GLS2: variants seen among roughly 807,000 people sequenced by gnomAD.
GLS2 encodes glutaminase liver isoform, mitochondrial.
Under a neutral mutation model 79.0 loss-of-function variants are expected in GLS2, and 52 were observed. The observed-to-expected ratio is 0.66, with a 90% CI of 0.53 to 0.83. The LOEUF (loss-of-function observed/expected upper bound fraction) is 0.83, where lower values mean the gene tolerates loss of function less well. Among genes scored for constraint, GLS2 ranks in the 40% least tolerant of loss-of-function variants. The pLI, the probability that GLS2 is intolerant of heterozygous loss-of-function variation, is 0.00. For synonymous variants in GLS2, 238 were observed against 280.8 expected (o/e 0.85, Z 1.52); for missense variants, 561 against 764.8 (o/e 0.73, Z 3.14).
chr12:56,475,844 T>C, intron 8 of GLS2, 101 bp downstream of exon 8: 1 of 1,420,256 alleles, frequency 7.0e-7, no homozygotes, highest in Non-Finnish European at 1.0e-6. Context: ...TAGTATGGGC[T>C]GGTGCACCTG....
At chr12:56,473,378 A>G (rs768620678) in intron 13 of GLS2, 58 bp from the exon 14 acceptor site, 4 of 1,605,318 alleles carry the variant, frequency 2.5e-6, no homozygotes, top group Non-Finnish European at 3.4e-6. Context: ...TAGGAGCTCA[A>G]AATTGCTTTA....
Position 56,472,173 on chromosome 12 carries a change from T to C in GLS2, c.1534A>G (p.Met512Val), listed in dbSNP as rs564633999. Residue 512 changes from methionine to valine, a missense_variant, in exon 16 of 18, where the codon ATG becomes GTG. Physicochemically the swap from Met to Val is conservative, Grantham distance 21. Coordinates refer to ENST00000311966, the MANE Select transcript of GLS2 (RefSeq NM_013267.4). ...LRRFALSAMD[M>V]EQKDYDSRTA... is the part of the protein sequence containing the mutation. ...CGCGAGTCATAGTCTTTCTGTTCCA[T>C]ATCCATGGCTGACAAGGCAAACCTG... 1 of 1,614,206 alleles carries C rather than the reference T, an allele frequency of 6.2e-7. No homozygotes were observed. Among genetic ancestry groups the C allele is most frequent in the African/African-American group, 1.3e-5 (1 of 75,038 alleles).
At chr12:56,476,225 C>T (rs991364110) in intron 7 of GLS2, 13 of 467,296 alleles carry the variant, frequency 2.8e-5, no homozygotes, top group East Asian at 8.3e-5. Flanking sequence ...TGCAGTGGCA[C>T]GATCATGGCT....
chr12:56,474,463 C>T (rs1215683049), intron 12 of GLS2, 81 bp downstream of exon 12: 9 of 1,547,024 alleles, frequency 5.8e-6, no homozygotes, highest in South Asian at 2.3e-5. Context: ...AACAAGCTTC[C>T]ACCTCTATCT....
chr12:56,484,422 T>C (rs887609580), intron 1 of GLS2, among the ~76,000 whole-genome samples: 3 of 152,188 alleles, frequency 2.0e-5, no homozygotes, highest in African/African-American at 7.2e-5. Flanking sequence ...ATTGAAACAA[T>C]GGATTAAAAA....
At chr12:56,477,854 CA>C in intron 6 of GLS2, 78 bp downstream of exon 6, 3 of 1,556,556 alleles carry the variant, frequency 1.9e-6, no homozygotes, top group Non-Finnish European at 2.6e-6. Flanking sequence ...GGCAGAGAAA[CA>C]AAAAAGGCTG....
Position 56,487,923 on chromosome 12 carries a change from C to G in GLS2, c.182+14G>C. 1 of 1,600,722 alleles carries G rather than the reference C, an allele frequency of 6.2e-7. No homozygotes were observed. The highest frequency in any genetic ancestry group is 8.5e-7 in the Non-Finnish European group (1 of 1,179,230). On this transcript the variant is annotated intron_variant, in intron 1 of 17. Transcript: ENST00000311966. ...GGGGCAAGCCCGTCCCCTGCCCTGT[C>G]CCAGGAGCCTTACTGATCCTGGTGC...
At position 56,475,554 on chromosome 12, in the gene GLS2, C is replaced by T. The variant is rs553166920; in HGVS notation, c.929+70G>A. 3.1e-5 allele frequency: 47 copies of T among 1,511,438 alleles called. No individual in the cohort carries two copies. The East Asian group carries it at 6.8e-4, about 22-fold the overall frequency. 93.6% of individuals were successfully genotyped at this position (1,511,438 alleles called of 1,614,324 possible). ...CTAAGATTCTCTCTCCCCCATTCCTCTTGTCCCCATCCTAAGTACACACAC... is the reference window on the plus strand; with the variant it reads ...CTAAGATTCTCTCTCCCCCATTCCTTTTGTCCCCATCCTAAGTACACACAC... On this transcript the variant is annotated intron_variant, in intron 9 of 17. Coordinates refer to ENST00000311966, the MANE Select transcript of GLS2 (RefSeq NM_013267.4).
At chr12:56,472,876 T>TGTAGTGGC in intron 14 of GLS2, 125 bp from the exon 15 acceptor site, 1 of 681,156 alleles carries the variant, frequency 1.5e-6, no homozygotes, top group Non-Finnish European at 2.5e-6. Context: ...TGTGCTACTC[T>TGTAGTGGC]GAAATATTCT....
intron 15 of GLS2, chr12:56,472,396 C>G: frequency 1.6e-6 from 1 of 611,390 alleles, no homozygotes; most frequent in Non-Finnish European, 2.9e-6. Context: ...TGTGATCCTT[C>G]CAGAAATATC....
In GLS2 at chr12:56,471,134, G is replaced by A. The variant is rs1869224218; in HGVS notation, c.*353C>T. On this transcript the variant is annotated 3_prime_UTR_variant, in exon 18 of 18. Coordinates refer to ENST00000311966, the MANE Select transcript of GLS2 (RefSeq NM_013267.4). ...GATATGTACATGTGCATGGTAGCTA[G>A]AGTCCCTCCACCAGAGTATCTCTCT... is the stretch of plus-strand genomic sequence containing the variant. 5 of 408,704 alleles carry A rather than the reference G, an allele frequency of 1.2e-5. No homozygotes were observed. Among genetic ancestry groups the A allele is most frequent in the Non-Finnish European group, 2.2e-5 (5 of 232,248 alleles). 25.3% of individuals were successfully genotyped at this position (408,704 alleles called of 1,614,324 possible).
chr12:56,474,806 G>C lies in GLS2; in HGVS notation c.1047+40C>G, dbSNP rs372835857. 8 of 1,613,180 alleles carry C rather than the reference G, an allele frequency of 5.0e-6. No individual in the cohort carries two copies. The African/African-American group carries it at 9.4e-5, about 19-fold the overall frequency. On this transcript the variant is annotated intron_variant, in intron 11 of 17. Transcript: ENST00000311966. ...TAGGGAAAGGGCAAGGGCAAGGACA[G>C]TCTGTCCTGTTCCCTCGGCCCTGAG...
chr12:56,481,748 G>A (rs188975869), intron 1 of GLS2, among the ~76,000 whole-genome samples: 40 of 149,152 alleles, frequency 2.7e-4, no homozygotes, highest in East Asian at 1.6e-3. Flanking sequence ...AAAATTAACC[G>A]GGCATAGTGG....
At chr12:56,486,089 G>T (rs1474631536) in intron 1 of GLS2, among the ~76,000 whole-genome samples, 1 of 149,998 alleles carries the variant, frequency 6.7e-6, no homozygotes, top group East Asian at 2.0e-4. Flanking sequence ...CTGAATAACA[G>T]CGCATTTCCT....
At chr12:56,478,361 T>G in intron 4 of GLS2, 99 bp from the exon 5 acceptor site, 1 of 1,318,414 alleles carries the variant, frequency 7.6e-7, no homozygotes, top group Non-Finnish European at 1.1e-6. Flanking sequence ...AAGCTAAAAT[T>G]CTGTCTTCTA....
chr12:56,484,894 T>A (rs1294021188), intron 1 of GLS2, among the ~76,000 whole-genome samples: 1 of 152,156 alleles, frequency 6.6e-6, no homozygotes, highest in East Asian at 1.9e-4. Context: ...GCATAAAATA[T>A]CTCTAGAAGA....
At chr12:56,471,941 T>G in intron 16 of GLS2, 105 bp from the exon 17 acceptor site, 1 of 1,350,398 alleles carries the variant, frequency 7.4e-7, no homozygotes, top group Non-Finnish European at 1.1e-6. Context: ...GGAAAAGGCC[T>G]CTTCCCATTT....
At chr12:56,481,456 T>G (rs1592281118) in intron 1 of GLS2, among the ~76,000 whole-genome samples, 2 of 150,374 alleles carry the variant, frequency 1.3e-5, no homozygotes, top group Non-Finnish European at 3.0e-5. Context: ...TCCGCCTGCC[T>G]CAGTCTCCCA....
chr12:56,487,984 C>A lies in GLS2; in HGVS notation c.135G>T (p.Ala45=). Residue 45 remains alanine (A), a synonymous_variant, in exon 1 of 18, where the codon GCG becomes GCT. Coordinates refer to ENST00000311966, the MANE Select transcript of GLS2 (RefSeq NM_013267.4). Reference sequence around the variant, plus strand: ...GGCTGTGTGGCGTCTCTCTGCCCTGCGCCGCGGCCTCACTGAGGTGGTGCC... The same window carrying A: ...GGCTGTGTGGCGTCTCTCTGCCCTGAGCCGCGGCCTCACTGAGGTGGTGCC... ...GVRHHLSEAA[A]QGRETPHSHQ... is the part of the protein sequence containing the mutation. The A allele has an allele frequency of 1.9e-6, 3 of 1,602,046 alleles. No homozygotes were observed. Among genetic ancestry groups the A allele is most frequent in the East Asian group, 2.2e-5 (1 of 44,846 alleles).
Sources: gnomAD v4.1 joint callset for allele counts (sites outside exome capture counted in the v4.1 genomes callset) on GRCh38, gnomAD v4.1.1 for gene constraint, MANE v1.5 for transcripts, NCBI Gene and HGNC (gene_info 2026-07-23, HGNC 2026-07-21) for gene names.